The following NT5DC3 variants were observed in gnomAD, a reference collection of about 807,000 sequenced individuals.
The protein encoded by NT5DC3 is 5'-nucleotidase domain-containing protein 3.
In NT5DC3, 42 loss-of-function variants were observed where a neutral mutation model predicts 67.8. The observed-to-expected ratio is 0.62, with a 90% CI of 0.48 to 0.80. The LOEUF (loss-of-function observed/expected upper bound fraction) is 0.80. NT5DC3 is among the 30% of genes least tolerant of loss of function. The pLI is 0.00. For synonymous variants in NT5DC3, 237 were observed against 255.6 expected (o/e 0.93, Z 0.69); for missense variants, 570 against 696.4 (o/e 0.82, Z 2.04).
chr12:103,838,528 CT>C (rs1888245202), intron 1 of NT5DC3, among the ~76,000 whole-genome samples: 1 of 152,178 alleles, frequency 6.6e-6, no homozygotes, highest in South Asian at 2.1e-4. Context: ...CCTGCAGTTT[CT>C]TATAAAACTA....
At chr12:103,785,570 C>T in intron 11 of NT5DC3, 95 bp from the exon 12 acceptor site, 2 of 1,257,868 alleles carry the variant, frequency 1.6e-6, no homozygotes, top group South Asian at 2.4e-5. Context: ...CATTTAATTA[C>T]TTTTTGATGG....
intron 1 of NT5DC3, among the ~76,000 whole-genome samples, chr12:103,817,048 A>G (rs571789032): frequency 6.7e-6 from 1 of 148,350 alleles, no homozygotes; most frequent in South Asian, 2.1e-4. Context: ...AAAGAAAAAA[A>G]AAAGAAAGAA....
chr12:103,802,834 C>T (rs1007207811), intron 4 of NT5DC3, among the ~76,000 whole-genome samples: 5 of 152,018 alleles, frequency 3.3e-5, no homozygotes, highest in East Asian at 1.9e-4. Context: ...GAAGAGGAAG[C>T]GAAGAGTTTA....
intron 4 of NT5DC3, among the ~76,000 whole-genome samples, chr12:103,804,559 T>A (rs922225068): frequency 6.6e-6 from 1 of 152,092 alleles, no homozygotes; most frequent in African/African-American, 2.4e-5. Flanking sequence ...AATTTTTTTT[T>A]TAAAAAGTGA....
chr12:103,775,839 T>A lies in NT5DC3; in HGVS notation c.*1990A>T, dbSNP rs1181813752. On this transcript the variant is annotated 3_prime_UTR_variant, in exon 14 of 14. Coordinates refer to ENST00000392876, the MANE Select transcript of NT5DC3 (RefSeq NM_001031701.3). ...AAGCAGCATTACAAAGGATGCTATA[T>A]AACTCATTAAGTTTCTGCCATCTGG... 1 of 152,252 alleles carries A rather than the reference T, an allele frequency of 6.6e-6. No individual in the cohort carries two copies. The highest frequency in any genetic ancestry group is 1.5e-5 in the Non-Finnish European group (1 of 68,052). The allele number at this position is 152,252 out of a possible 1,614,324, so 9.4% of individuals were successfully genotyped here.
At position 103,775,933 on chromosome 12, in the gene NT5DC3, A is replaced by C. The variant is rs1158313102; in HGVS notation, c.*1896T>G. The C allele has an allele frequency of 6.6e-6, 1 of 152,208 alleles. No individual in the cohort carries two copies. Among genetic ancestry groups the C allele is most frequent in the East Asian group, 1.9e-4 (1 of 5,196 alleles). 9.4% of individuals were successfully genotyped at this position (152,208 alleles called of 1,614,324 possible). On this transcript the variant is annotated 3_prime_UTR_variant, in exon 14 of 14. Transcript: ENST00000392876. ...GGTTACATACATTTATCACAATAAAAATGTTGAATAAGCAAGCACTCTCCA... is the reference window on the plus strand; with the variant it reads ...GGTTACATACATTTATCACAATAAACATGTTGAATAAGCAAGCACTCTCCA...
At chr12:103,779,819 GCTTT>G (rs1329489455) in intron 13 of NT5DC3, among the ~76,000 whole-genome samples, 2 of 152,192 alleles carry the variant, frequency 1.3e-5, no homozygotes, top group African/African-American at 4.8e-5. Context: ...TGGCAGGCAG[GCTTT>G]CTTTATCAGT....
At chr12:103,803,809 T>G (rs1473003269) in intron 4 of NT5DC3, among the ~76,000 whole-genome samples, 1 of 151,878 alleles carries the variant, frequency 6.6e-6, no homozygotes, top group Non-Finnish European at 1.5e-5. Flanking sequence ...GTGATCTTGC[T>G]GGAAAGATTA....
intron 5 of NT5DC3, 119 bp from the exon 6 acceptor site, chr12:103,797,150 A>G: frequency 1.9e-6 from 2 of 1,057,696 alleles, no homozygotes; most frequent in South Asian, 3.0e-5. Context: ...CATCATCAAC[A>G]CAAAAAAGGA....
At chr12:103,762,122 A>C in the NT5DC3 span, 1 of 998,076 alleles carries the variant, frequency 1.0e-6, no homozygotes, top group Non-Finnish European at 1.5e-6. Context: ...ACAGAAGGGT[A>C]TTAGACCCTG....
At chr12:103,831,489 T>C (rs916987639) in intron 1 of NT5DC3, among the ~76,000 whole-genome samples, 3 of 152,126 alleles carry the variant, frequency 2.0e-5, no homozygotes, top group African/African-American at 7.2e-5. Context: ...GAGGACGAGC[T>C]TGTGATTACA....
chr12:103,840,222 T>C (rs1473322002), intron 1 of NT5DC3, among the ~76,000 whole-genome samples: 2 of 152,212 alleles, frequency 1.3e-5, no homozygotes, highest in Non-Finnish European at 2.9e-5. Flanking sequence ...CTGGTATTTA[T>C]TAGTTCATTA....
chr12:103,812,918 G>A (rs1449862825), intron 2 of NT5DC3, among the ~76,000 whole-genome samples: 2 of 152,254 alleles, frequency 1.3e-5, no homozygotes, highest in Admixed American at 6.5e-5. Flanking sequence ...CACAGTGACT[G>A]TGAGGAAAGC....
intron 5 of NT5DC3, among the ~76,000 whole-genome samples, chr12:103,797,367 G>T (rs1886364196): frequency 6.6e-6 from 1 of 151,892 alleles, no homozygotes; most frequent in Non-Finnish European, 1.5e-5. Flanking sequence ...CTACTCAGGA[G>T]GCTGAGGCAG....
the NT5DC3 span, among the ~76,000 whole-genome samples, chr12:103,750,305 A>G: frequency 6.6e-6 from 1 of 152,238 alleles, no homozygotes; most frequent in East Asian, 1.9e-4. Context: ...AATCAGGCCA[A>G]TGTGATAGAA....
At chr12:103,819,270 AC>A (rs1223927486) in intron 1 of NT5DC3, among the ~76,000 whole-genome samples, 1 of 152,252 alleles carries the variant, frequency 6.6e-6, no homozygotes, top group East Asian at 1.9e-4. Context: ...CCCCGTGCAA[AC>A]TTTAGGAAGA....
downstream of NT5DC3, among the ~76,000 whole-genome samples, chr12:103,769,423 C>T (rs527726896): frequency 5.6e-4 from 85 of 152,348 alleles, no homozygotes; most frequent in African/African-American, 2.0e-3. Context: ...CACTCCTGAG[C>T]CCTGAGGCAA....
the NT5DC3 span, among the ~76,000 whole-genome samples, chr12:103,765,079 T>G: frequency 1.1e-5 from 1 of 91,490 alleles, no homozygotes; most frequent in Non-Finnish European, 1.9e-5. Context: ...AGAGCAAGAC[T>G]CTGTCTCAAA....
intron 1 of NT5DC3, 41 bp downstream of exon 1, chr12:103,840,908 A>G: frequency 8.3e-7 from 1 of 1,209,810 alleles, no homozygotes; most frequent in Non-Finnish European, 1.1e-6. Flanking sequence ...AGCGCGCAGG[A>G]GGGGCCCCAG....
Sources: gnomAD v4.1 joint callset for allele counts (sites outside exome capture counted in the v4.1 genomes callset) on GRCh38, gnomAD v4.1.1 for gene constraint, MANE v1.5 for transcripts, NCBI Gene and HGNC (gene_info 2026-07-23, HGNC 2026-07-21) for gene names.